PCGF6: variants seen among roughly 807,000 people sequenced by gnomAD.
The protein encoded by PCGF6 is polycomb group RING finger protein 6.
A neutral mutation model predicts 45.5 loss-of-function variants in PCGF6; 24 were observed. That is an observed-to-expected ratio of 0.53 (90% confidence interval 0.38 to 0.74). The LOEUF (loss-of-function observed/expected upper bound fraction) is 0.74, where lower values mean the gene tolerates loss of function less well. Ranked by LOEUF, PCGF6 falls within the 30% of genes least tolerant of loss-of-function variation. The pLI is 0.00. For synonymous variants in PCGF6, 152 were observed against 162.1 expected (o/e 0.94, Z 0.47); for missense variants, 356 against 443.2 (o/e 0.80, Z 1.77).
chr10:103,317,082 C>CA (rs576460222), intron 8 of PCGF6, among the ~76,000 whole-genome samples: 71 of 152,304 alleles, frequency 4.7e-4, no homozygotes, highest in Non-Finnish European at 8.5e-4. Context: ...GCAATCTCAG[C>CA]ACACTGCAAC....
At chr10:103,327,014 T>C (rs892175931) in intron 7 of PCGF6, among the ~76,000 whole-genome samples, 1 of 152,032 alleles carries the variant, frequency 6.6e-6, no homozygotes, top group Non-Finnish European at 1.5e-5. Context: ...AGGCCGGGCA[T>C]GGTGGCTCAC....
intron 1 of PCGF6, among the ~76,000 whole-genome samples, chr10:103,350,312 G>A (rs1401128770): frequency 6.6e-6 from 1 of 151,092 alleles, no homozygotes; most frequent in Non-Finnish European, 1.5e-5. Flanking sequence ...GGTGGCGCGT[G>A]CCTGTAGTCC....
chr10:103,308,897 A>C (rs955761065), intron 9 of PCGF6, among the ~76,000 whole-genome samples: 7 of 151,948 alleles, frequency 4.6e-5, no homozygotes, highest in African/African-American at 1.7e-4. Context: ...AATAAATAAA[A>C]ATAAAAAAAT....
At chr10:103,340,759 A>G (rs1331325725) in intron 6 of PCGF6, among the ~76,000 whole-genome samples, 2 of 151,844 alleles carry the variant, frequency 1.3e-5, no homozygotes, top group East Asian at 3.9e-4. Context: ...ACCATGGCCA[A>G]TTAATTTTCT....
intron 7 of PCGF6, among the ~76,000 whole-genome samples, chr10:103,331,159 T>C (rs983998859): frequency 6.6e-6 from 1 of 152,228 alleles, no homozygotes; most frequent in Admixed American, 6.6e-5. Context: ...CAGTACTTCA[T>C]TCCTTTTTAC....
chr10:103,333,455 A>G (rs546549371), intron 7 of PCGF6, among the ~76,000 whole-genome samples: 1 of 152,286 alleles, frequency 6.6e-6, no homozygotes, highest in South Asian at 2.1e-4. Context: ...ACATTATAGT[A>G]GTAACACTGT....
At chr10:103,330,364 C>T (rs1226940779) in intron 7 of PCGF6, among the ~76,000 whole-genome samples, 4 of 151,942 alleles carry the variant, frequency 2.6e-5, no homozygotes, top group African/African-American at 4.8e-5. Flanking sequence ...CGTTAGCCAC[C>T]GTGCCTGGAC....
At chr10:103,343,224 G>C (rs776782766) in intron 6 of PCGF6, among the ~76,000 whole-genome samples, 1 of 151,738 alleles carries the variant, frequency 6.6e-6, no homozygotes, top group Non-Finnish European at 1.5e-5. Context: ...CACCGCGCCC[G>C]GCCTTAGGGG....
At chr10:103,339,687 G>C (rs1206634020) in intron 6 of PCGF6, among the ~76,000 whole-genome samples, 2 of 151,050 alleles carry the variant, frequency 1.3e-5, no homozygotes, top group African/African-American at 4.9e-5. Flanking sequence ...CTACTCTGGA[G>C]GCTGAGGTGG....
At chr10:103,345,236 G>T in intron 5 of PCGF6, 104 bp from the exon 6 acceptor site, 1 of 785,526 alleles carries the variant, frequency 1.3e-6, no homozygotes, top group Non-Finnish European at 2.0e-6. Flanking sequence ...GTATTTAAAA[G>T]ATCATAAACC....
rs181227659 is a variant in PCGF6, at chr10:103,331,789, T to A, written c.810+2136A>T. Among the ~76,000 whole-genome samples the A allele has an allele frequency of 3.2e-3, 488 of 152,220 alleles. 10 individuals are homozygous for A. Among genetic ancestry groups the A allele is most frequent in the Admixed American group, 0.029 (450 of 15,278 alleles). On this transcript the variant is annotated intron_variant, in intron 7 of 9. Transcript: ENST00000369847. The stretch of plus-strand genomic sequence containing the variant: ...ATTATATTCCTTCAGTGTCATTTAA[T>A]ACATCTCTCTCTCTCTTTTTTGAGA...
chr10:103,329,973 G>A (rs1419149949), intron 7 of PCGF6, among the ~76,000 whole-genome samples: 1 of 149,816 alleles, frequency 6.7e-6, no homozygotes, highest in East Asian at 2.0e-4. Context: ...AGAGACGGGT[G>A]TTAGCCAGGA....
intron 5 of PCGF6, among the ~76,000 whole-genome samples, chr10:103,346,391 C>T (rs1462765866): frequency 4.0e-5 from 6 of 151,536 alleles, no homozygotes; most frequent in African/African-American, 9.7e-5. Context: ...TTTGGGAGGC[C>T]GAGGAGGGCA....
chr10:103,316,838 A>C (rs974099229), intron 8 of PCGF6, among the ~76,000 whole-genome samples: 2 of 152,128 alleles, frequency 1.3e-5, no homozygotes, highest in African/African-American at 2.4e-5. Context: ...GATTATATAG[A>C]ATTATGAGAT....
intron 9 of PCGF6, among the ~76,000 whole-genome samples, chr10:103,311,830 T>C (rs2093158422): frequency 6.6e-6 from 1 of 151,166 alleles, no homozygotes; most frequent in South Asian, 2.1e-4. Context: ...GGCTCATGCC[T>C]GTAATCCCAG....
intron 9 of PCGF6, among the ~76,000 whole-genome samples, chr10:103,313,637 C>T (rs947845026): frequency 2.6e-5 from 4 of 152,202 alleles, no homozygotes; most frequent in East Asian, 1.9e-4. Flanking sequence ...AATCTCATCA[C>T]GTTTTAAGAA....
At chr10:103,311,759 C>T (rs2093158135) in intron 9 of PCGF6, among the ~76,000 whole-genome samples, 1 of 151,958 alleles carries the variant, frequency 6.6e-6, no homozygotes, top group Non-Finnish European at 1.5e-5. Context: ...ACCACACAGC[C>T]CTAAGAGGGA....
intron 6 of PCGF6, among the ~76,000 whole-genome samples, chr10:103,343,111 G>A (rs901358616): frequency 7.9e-5 from 12 of 151,940 alleles, no homozygotes; most frequent in African/African-American, 2.9e-4. Flanking sequence ...TGTATTTTTA[G>A]TAGAGACGGG....
chr10:103,303,446 TGA>T lies in PCGF6; in HGVS notation c.*457_*458del, dbSNP rs1265939589. On this transcript the variant is annotated 3_prime_UTR_variant, in exon 10 of 10. Transcript: ENST00000369847. ...AAAAGTGGCCAATAGTTTTGGTCTT[TGA>T]GAGTACACCCTGCAGTTTAACAAAG... 1 of 153,810 alleles carries T rather than the reference TGA, an allele frequency of 6.5e-6. No homozygotes were observed. The highest frequency in any genetic ancestry group is 1.4e-5 in the Non-Finnish European group (1 of 69,158). 9.5% of individuals were successfully genotyped at this position (153,810 alleles called of 1,614,324 possible). A position where few individuals can be genotyped will look rare whatever the true frequency, so the allele number is the denominator to read the frequency against.
Sources: gnomAD v4.1 joint callset for allele counts (sites outside exome capture counted in the v4.1 genomes callset) on GRCh38, gnomAD v4.1.1 for gene constraint, MANE v1.5 for transcripts, NCBI Gene and HGNC (gene_info 2026-07-23, HGNC 2026-07-21) for gene names.